Variants in TRDN observed in about 807,000 individuals in gnomAD.
TRDN encodes triadin in skeletal muscle.
Under a neutral mutation model 149.7 loss-of-function variants are expected in TRDN, and 161 were observed. The ratio of observed to expected loss-of-function variants is 1.08; its 90% CI spans 0.95 to 1.23. The LOEUF is 1.23. TRDN is among the 50% of genes most tolerant of loss of function. TRDN has a pLI of 0.00. For synonymous variants in TRDN, 294 were observed against 250.5 expected (o/e 1.17, Z -1.64); for missense variants, 896 against 823.5 (o/e 1.09, Z -1.08).
intron 20 of TRDN, among the ~76,000 whole-genome samples, chr6:123,355,787 C>A (rs1780647990): frequency 6.6e-6 from 1 of 151,582 alleles, no homozygotes. Flanking sequence ...GTTTTGTGTT[C>A]CTTAATTTCT....
At chr6:123,488,506 C>T (rs1195956760) in intron 9 of TRDN, among the ~76,000 whole-genome samples, 12 of 152,148 alleles carry the variant, frequency 7.9e-5, no homozygotes, top group Admixed American at 7.9e-4. Flanking sequence ...TACAGACCAA[C>T]AGCTTCTAAA....
chr6:123,630,667 G>A (rs1472151773), intron 1 of TRDN, among the ~76,000 whole-genome samples: 8 of 151,798 alleles, frequency 5.3e-5, no homozygotes, highest in Non-Finnish European at 1.2e-4. Flanking sequence ...CTTATGGGGT[G>A]GGGAGAAAAA....
chr6:123,251,156 C>T (rs1776356926), intron 38 of TRDN, among the ~76,000 whole-genome samples: 1 of 152,004 alleles, frequency 6.6e-6, no homozygotes, highest in East Asian at 1.9e-4. Context: ...ATTTTGTGTC[C>T]TTACAATATC....
intron 9 of TRDN, 73 bp from the exon 10 acceptor site, chr6:123,465,056 G>T (rs1387141600): frequency 2.0e-6 from 3 of 1,475,418 alleles, no homozygotes; most frequent in African/African-American, 1.4e-5. Flanking sequence ...TAAAAAGCTA[G>T]ATCTGTCCCC....
intron 24 of TRDN, among the ~76,000 whole-genome samples, chr6:123,314,871 T>A (rs1015732084): frequency 6.6e-6 from 1 of 151,802 alleles, no homozygotes. Context: ...AGGGAGATGA[T>A]CAGAAAAAAT....
intron 4 of TRDN, among the ~76,000 whole-genome samples, chr6:123,546,373 A>G (rs1781113916): frequency 6.6e-6 from 1 of 152,036 alleles, no homozygotes; most frequent in Non-Finnish European, 1.5e-5. Context: ...CACTAAGTGG[A>G]TTTTACCCCA....
chr6:123,578,176 C>T (rs939841197), intron 1 of TRDN, among the ~76,000 whole-genome samples: 14 of 152,160 alleles, frequency 9.2e-5, no homozygotes, highest in African/African-American at 2.9e-4. Context: ...GTTGCTATTG[C>T]TTTTGGTATC....
chr6:123,381,047 C>A (rs1781698773), intron 16 of TRDN, among the ~76,000 whole-genome samples: 1 of 152,102 alleles, frequency 6.6e-6, no homozygotes, highest in African/African-American at 2.4e-5. Context: ...GGACTGACAA[C>A]TAACCAGATT....
intron 16 of TRDN, among the ~76,000 whole-genome samples, chr6:123,380,555 C>T (rs534963589): frequency 1.1e-4 from 17 of 152,210 alleles, no homozygotes; most frequent in African/African-American, 2.6e-4. Context: ...ATTTTTACAA[C>T]GTTGAATGTC....
At chr6:123,481,119 T>G (rs1478007113) in intron 9 of TRDN, among the ~76,000 whole-genome samples, 2 of 152,158 alleles carry the variant, frequency 1.3e-5, no homozygotes, top group Non-Finnish European at 2.9e-5. Context: ...TACAGTCAGC[T>G]TAATGGATAC....
At chr6:123,454,683 T>C (rs930119229) in intron 10 of TRDN, among the ~76,000 whole-genome samples, 2 of 152,190 alleles carry the variant, frequency 1.3e-5, no homozygotes, top group Non-Finnish European at 2.9e-5. Context: ...TGAGCATTAC[T>C]GCCTGAGCTC....
At chr6:123,563,240 T>G (rs993742581) in intron 2 of TRDN, among the ~76,000 whole-genome samples, 15 of 152,202 alleles carry the variant, frequency 9.9e-5, no homozygotes, top group Non-Finnish European at 1.9e-4. Flanking sequence ...ATGACCCTAA[T>G]CAACCAATTC....
chr6:123,359,934 A>G (rs1381213219), intron 20 of TRDN, among the ~76,000 whole-genome samples: 3 of 152,030 alleles, frequency 2.0e-5, no homozygotes, highest in Admixed American at 6.5e-5. Flanking sequence ...TGACCTCATG[A>G]TCCACCCATC....
chr6:123,418,683 A>G (rs1773763539), intron 12 of TRDN: 2 of 151,982 alleles, frequency 1.3e-5, no homozygotes, highest in South Asian at 4.2e-4. Context: ...CTCAACCCCC[A>G]ACCCCAACAT....
chr6:123,270,384 T>G (rs1046940299), intron 30 of TRDN, among the ~76,000 whole-genome samples: 1 of 151,956 alleles, frequency 6.6e-6, no homozygotes, highest in Non-Finnish European at 1.5e-5. Flanking sequence ...CAAGAAACTA[T>G]TTAAATCCTT....
intron 2 of TRDN, among the ~76,000 whole-genome samples, chr6:123,561,341 C>T (rs978834682): frequency 6.6e-6 from 1 of 152,182 alleles, no homozygotes; most frequent in Non-Finnish European, 1.5e-5. Flanking sequence ...CCTCACCAAG[C>T]TCAGCCACCA....
At chr6:123,427,712 A>C (rs1449880662) in intron 12 of TRDN, among the ~76,000 whole-genome samples, 5 of 152,118 alleles carry the variant, frequency 3.3e-5, no homozygotes, top group African/African-American at 1.2e-4. Flanking sequence ...CTGTTTCCTG[A>C]TTTCCATATT....
At chr6:123,558,436 T>A (rs1277782758) in intron 2 of TRDN, among the ~76,000 whole-genome samples, 1 of 152,048 alleles carries the variant, frequency 6.6e-6, no homozygotes, top group Non-Finnish European at 1.5e-5. Context: ...TGCCCAGCAA[T>A]TTCCTCTTAA....
At chr6:123,381,502 C>T (rs1193566079) in intron 15 of TRDN, 112 bp from the exon 16 acceptor site, 3 of 972,136 alleles carry the variant, frequency 3.1e-6, no homozygotes, top group Non-Finnish European at 4.6e-6. Flanking sequence ...AATTTTCTCT[C>T]CTTAAATTTC....
Sources: gnomAD v4.1 joint callset for allele counts (sites outside exome capture counted in the v4.1 genomes callset) on GRCh38, gnomAD v4.1.1 for gene constraint, MANE v1.5 for transcripts, NCBI Gene and HGNC (gene_info 2026-07-23, HGNC 2026-07-21) for gene names.